SSBP2: variants seen among roughly 807,000 people sequenced by gnomAD.
The protein encoded by SSBP2 is single stranded DNA binding protein 2, also known as single-stranded DNA-binding protein 2.
A neutral mutation model predicts 61.8 loss-of-function variants in SSBP2; 17 were observed. The observed-to-expected ratio is 0.28, with a 90% CI of 0.19 to 0.41. SSBP2 has a LOEUF of 0.41. Among genes scored for constraint, SSBP2 ranks in the 10% least tolerant of loss-of-function variants. SSBP2 has a pLI of 1.00. For missense variants in SSBP2, 310 were observed against 458.7 expected (o/e 0.68, Z 2.96); for synonymous variants, 139 against 141.3 (o/e 0.98, Z 0.12).
At chr5:81,450,384 T>C (rs1285233218) in intron 10 of SSBP2, among the ~76,000 whole-genome samples, 1 of 152,174 alleles carries the variant, frequency 6.6e-6, no homozygotes, top group Non-Finnish European at 1.5e-5. Context: ...TATCGGCTCC[T>C]AGGACCAATT....
chr5:81,700,937 T>C (rs1022311517), intron 1 of SSBP2, among the ~76,000 whole-genome samples: 3 of 152,344 alleles, frequency 2.0e-5, no homozygotes, highest in East Asian at 3.9e-4. Flanking sequence ...GTATTGACCA[T>C]AAAGCTATTC....
chr5:81,649,021 A>G (rs1003239820), intron 2 of SSBP2, among the ~76,000 whole-genome samples: 1 of 152,072 alleles, frequency 6.6e-6, no homozygotes, highest in Non-Finnish European at 1.5e-5. Context: ...CCAGTGCTCA[A>G]AAATCTATAT....
intron 2 of SSBP2, among the ~76,000 whole-genome samples, 153 bp downstream of exon 2, chr5:81,650,114 T>C (rs975864725): frequency 6.6e-6 from 1 of 152,132 alleles, no homozygotes. Context: ...TAAAAATGCT[T>C]ATACATAATC....
rs866392538 is a variant in SSBP2 at position 81,622,121 on chromosome 5, A to T, written c.198-6564T>A. On this transcript the variant is annotated intron_variant, in intron 3 of 16. Transcript: ENST00000320672. ...TAGAGTATAATAAAAAAAAAAAATT[A>T]AAAAAAAAAAAAAAGAAAATACATT... Among the ~76,000 whole-genome samples the T allele has an allele frequency of 8.4e-3, 938 of 111,374 alleles. 5 individuals are homozygous for T. Among genetic ancestry groups the T allele is most frequent in the African/African-American group, 0.029 (807 of 27,726 alleles). The allele number at this position is 111,374 out of a possible 152,430, so 73.1% of individuals were successfully genotyped here. A position where few individuals can be genotyped will look rare whatever the true frequency, so the allele number is the denominator to read the frequency against.
chr5:81,698,253 A>G (rs1249466230), intron 1 of SSBP2, among the ~76,000 whole-genome samples: 2 of 152,248 alleles, frequency 1.3e-5, no homozygotes, highest in African/African-American at 4.8e-5. Context: ...CATTATGTGT[A>G]AACAATAAAA....
intron 10 of SSBP2, among the ~76,000 whole-genome samples, chr5:81,450,503 T>C (rs1191200257): frequency 6.6e-6 from 1 of 152,222 alleles, no homozygotes; most frequent in Non-Finnish European, 1.5e-5. Context: ...CTTTAGATAT[T>C]TGGAACTTGC....
intron 4 of SSBP2, among the ~76,000 whole-genome samples, chr5:81,590,268 T>A (rs1281980810): frequency 6.6e-6 from 1 of 152,044 alleles, no homozygotes; most frequent in South Asian, 2.1e-4. Flanking sequence ...GTGAACCAAG[T>A]AAGTAACATA....
intron 15 of SSBP2, among the ~76,000 whole-genome samples, chr5:81,430,296 AT>A (rs1252859459): frequency 3.3e-5 from 5 of 152,166 alleles, no homozygotes; most frequent in African/African-American, 1.2e-4. Flanking sequence ...GAAATTGGTA[AT>A]ACTAGAATAA....
At chr5:81,433,025 A>G (rs1762430042) in intron 15 of SSBP2, among the ~76,000 whole-genome samples, 1 of 149,900 alleles carries the variant, frequency 6.7e-6, no homozygotes, top group African/African-American at 2.5e-5. Context: ...CCCTTCCGGG[A>G]GGTGAGGGGC....
intron 6 of SSBP2, among the ~76,000 whole-genome samples, chr5:81,484,925 A>G (rs1766270990): frequency 6.6e-6 from 1 of 152,196 alleles, no homozygotes; most frequent in Admixed American, 6.5e-5. Flanking sequence ...ACAGTGTTTC[A>G]GGAATCTGAA....
chr5:81,464,161 T>G (rs568002391), intron 9 of SSBP2, among the ~76,000 whole-genome samples: 1 of 152,278 alleles, frequency 6.6e-6, no homozygotes, highest in East Asian at 1.9e-4. Context: ...TAATACAGAA[T>G]AAGAAGATCC....
chr5:81,685,803 T>C (rs999523373), intron 1 of SSBP2, among the ~76,000 whole-genome samples: 22 of 152,160 alleles, frequency 1.4e-4, no homozygotes, highest in Non-Finnish European at 1.5e-5. Flanking sequence ...GTCCACAAAA[T>C]AGACTATCCA....
intron 4 of SSBP2, among the ~76,000 whole-genome samples, chr5:81,605,347 C>CA (rs1173793832): frequency 1.3e-5 from 2 of 151,992 alleles, no homozygotes; most frequent in East Asian, 1.9e-4. Flanking sequence ...ATTATCAGTA[C>CA]AAAAAAATTA....
At chr5:81,634,165 A>G (rs1747984857) in intron 3 of SSBP2, among the ~76,000 whole-genome samples, 1 of 152,224 alleles carries the variant, frequency 6.6e-6, no homozygotes, top group Admixed American at 6.5e-5. Flanking sequence ...ATCTGATAAG[A>G]AGCATTTACA....
rs74785332 is a variant in SSBP2 at position 81,455,775 on chromosome 5, T to C, written c.687+5280A>G. Among the ~76,000 whole-genome samples the C allele has an allele frequency of 1.8e-3, 271 of 152,210 alleles. 5 individuals are homozygous for C. The East Asian group carries it at 0.042, about 24-fold the overall frequency. ...AGGATTAGAAAGTCAAACACAGAAT[T>C]TGAAGAACTTATTATTTGACAGAGA... On this transcript the variant is annotated intron_variant, in intron 10 of 16. Transcript: ENST00000320672.
chr5:81,619,655 G>A (rs1397114727), intron 3 of SSBP2, among the ~76,000 whole-genome samples: 1 of 106,490 alleles, frequency 9.4e-6, no homozygotes, highest in Non-Finnish European at 1.8e-5. Context: ...AACCAAAAAA[G>A]AGAATTTTAG....
intron 3 of SSBP2, among the ~76,000 whole-genome samples, chr5:81,627,184 C>T (rs1298559007): frequency 6.6e-6 from 1 of 152,086 alleles, no homozygotes; most frequent in Non-Finnish European, 1.5e-5. Flanking sequence ...TGAAGATTCC[C>T]TCCGTTTTTT....
At chr5:81,626,171 A>T (rs886360736) in intron 3 of SSBP2, among the ~76,000 whole-genome samples, 3 of 152,198 alleles carry the variant, frequency 2.0e-5, no homozygotes, top group Non-Finnish European at 2.9e-5. Flanking sequence ...ATTCCCTAGC[A>T]TTACTTAATA....
intron 16 of SSBP2, among the ~76,000 whole-genome samples, chr5:81,421,809 T>A (rs1199183408): frequency 6.6e-6 from 1 of 152,202 alleles, no homozygotes; most frequent in Non-Finnish European, 1.5e-5. Flanking sequence ...TAGCCATATG[T>A]GCCTACTGAG....
Sources: allele counts gnomAD v4.1 joint callset (sites outside exome capture counted in the v4.1 genomes callset), GRCh38; gene constraint gnomAD v4.1.1; transcripts MANE v1.5; gene names NCBI Gene and HGNC (gene_info 2026-07-23, HGNC 2026-07-21).